DCDC2C: variants seen among roughly 807,000 people sequenced by gnomAD.
DCDC2C encodes the protein doublecortin domain containing 2C.
Under a neutral mutation model 45.0 loss-of-function variants are expected in DCDC2C, and 44 were observed. The ratio of observed to expected loss-of-function variants is 0.98; its 90% CI spans 0.77 to 1.26. The LOEUF (loss-of-function observed/expected upper bound fraction) is 1.26, where lower values mean the gene tolerates loss of function less well. Ranked by LOEUF, DCDC2C falls within the 50% of genes most tolerant of loss-of-function variation. DCDC2C has a pLI of 0.00. For missense variants in DCDC2C, 447 were observed against 468.9 expected, an observed-to-expected ratio of 0.95 and a Z score of 0.43; for synonymous variants, 187 against 178.8, an observed-to-expected ratio of 1.05 and a Z score of -0.37.
At chr2:3,753,291 G>T (rs539236865) in intron 5 of DCDC2C, among the ~76,000 whole-genome samples, 1 of 152,312 alleles carries the variant, frequency 6.6e-6, no homozygotes, top group South Asian at 2.1e-4. Flanking sequence ...CAGAATTTGT[G>T]CTGGGTGTCA....
chr2:3,733,034 T>C (rs370512750), intron 3 of DCDC2C, among the ~76,000 whole-genome samples: 3 of 152,318 alleles, frequency 2.0e-5, no homozygotes, highest in African/African-American at 7.2e-5. Flanking sequence ...ATACCCCAAG[T>C]GGGATAGATT....
intron 3 of DCDC2C, among the ~76,000 whole-genome samples, chr2:3,727,888 C>A (rs980483812): frequency 6.6e-6 from 1 of 152,160 alleles, no homozygotes; most frequent in African/African-American, 2.4e-5. Flanking sequence ...TTGCAGCCAG[C>A]CCCCCAGGGC....
At chr2:3,770,564 C>T (rs1240419604) in intron 8 of DCDC2C, among the ~76,000 whole-genome samples, 1 of 152,162 alleles carries the variant, frequency 6.6e-6, no homozygotes, top group African/African-American at 2.4e-5. Flanking sequence ...ATTTTCTTCG[C>T]AAATCCAAAC....
rs144528131 is a variant in DCDC2C at position 3,793,223 on chromosome 2, T to A, written c.1065+8123T>A. ...AGTTGTAGTATACCCAAACGCAAATTTACACCTTGATTTACACTTAAGAAT... is the reference window on the plus strand; with the variant it reads ...AGTTGTAGTATACCCAAACGCAAATATACACCTTGATTTACACTTAAGAAT... On this transcript the variant is annotated intron_variant, in intron 10 of 10. Coordinates refer to ENST00000399143, the MANE Select transcript of DCDC2C (RefSeq NM_001287444.2). Among the ~76,000 whole-genome samples, 482 of 152,286 alleles carry A rather than the reference T, an allele frequency of 3.2e-3. 6 individuals carry two copies. The highest frequency in any genetic ancestry group is 0.011 in the African/African-American group (439 of 41,548).
At chr2:3,781,889 A>C (rs77769383) in intron 9 of DCDC2C, among the ~76,000 whole-genome samples, 15,262 of 152,228 alleles carry the variant, frequency 0.1, 1,027 homozygotes, top group East Asian at 0.29. Context: ...AACAATTACT[A>C]CTATATATAG....
intron 2 of DCDC2C, among the ~76,000 whole-genome samples, chr2:3,724,924 T>G (rs994178699): frequency 1.3e-5 from 2 of 152,184 alleles, no homozygotes; most frequent in Non-Finnish European, 2.9e-5. Context: ...GAACTCCTTG[T>G]TGGCAGTGGA....
At chr2:3,802,588 G>A (rs947494800) in intron 10 of DCDC2C, among the ~76,000 whole-genome samples, 2 of 152,154 alleles carry the variant, frequency 1.3e-5, no homozygotes, top group African/African-American at 4.8e-5. Context: ...GGTCTGAGGA[G>A]GGCTTGTTCC....
At chr2:3,742,978 G>C (rs763202954) in intron 4 of DCDC2C, among the ~76,000 whole-genome samples, 3 of 152,186 alleles carry the variant, frequency 2.0e-5, no homozygotes, top group African/African-American at 7.2e-5. Context: ...GAGGGGCTCC[G>C]GGCCTGGTGG....
chr2:3,844,729 C>A (rs1436998089), intron 10 of DCDC2C: 1 of 152,168 alleles, frequency 6.6e-6, no homozygotes, highest in African/African-American at 2.4e-5. Context: ...AGCCGAAATT[C>A]ATGTGGAATT....
rs1424124606 is a variant in DCDC2C at position 3,703,587 on chromosome 2, T to G, written c.-165T>G. On this transcript the variant is annotated 5_prime_UTR_variant, in exon 1 of 11. Transcript: ENST00000399143. This position sits in a 1 kb window ranked among gnomAD's most constrained non-coding sequence, Gnocchi z 4.4. Reference sequence around the variant, plus strand: ...CCGCCCGCCTGGCAGCCCCGTCCCGTCCCCGTCCAGCCCCCGTCCCGTCCC... The same window carrying G: ...CCGCCCGCCTGGCAGCCCCGTCCCGGCCCCGTCCAGCCCCCGTCCCGTCCC... 3.1e-6 allele frequency: 2 copies of G among 644,722 alleles called. No individual in the cohort carries two copies. Among genetic ancestry groups the G allele is most frequent in the African/African-American group, 2.6e-5 (1 of 37,752 alleles). The allele number at this position is 644,722 out of a possible 1,614,324, so 39.9% of individuals were successfully genotyped here.
chr2:3,821,148 G>A (rs921285632), intron 10 of DCDC2C, among the ~76,000 whole-genome samples: 16 of 152,116 alleles, frequency 1.1e-4, no homozygotes, highest in African/African-American at 3.1e-4. Flanking sequence ...GGGCAGGGGC[G>A]GGGGTCACAA....
At chr2:3,767,636 T>C in intron 6 of DCDC2C, 118 bp from the exon 7 acceptor site, 2 of 1,190,472 alleles carry the variant, frequency 1.7e-6, no homozygotes, top group East Asian at 2.7e-5. Context: ...GTGCCTGAGT[T>C]TCCTCCTACT....
chr2:3,800,320 A>G (rs1007860941), intron 10 of DCDC2C, among the ~76,000 whole-genome samples: 4 of 151,984 alleles, frequency 2.6e-5, no homozygotes, highest in African/African-American at 9.7e-5. Flanking sequence ...TGCAGAAATC[A>G]CCCGTCTTCT....
chr2:3,771,884 C>G (rs77074521), intron 8 of DCDC2C, among the ~76,000 whole-genome samples: 1 of 152,170 alleles, frequency 6.6e-6, no homozygotes, highest in Admixed American at 6.5e-5. Context: ...ATATCCGTGT[C>G]GTGAGAACTT....
At chr2:3,760,454 T>C (rs1669846154) in intron 6 of DCDC2C, among the ~76,000 whole-genome samples, 1 of 152,034 alleles carries the variant, frequency 6.6e-6, no homozygotes, top group East Asian at 1.9e-4. Flanking sequence ...ATAGACTGGA[T>C]AAAGAAAATG....
At chr2:3,730,342 T>C (rs1425075545) in intron 3 of DCDC2C, among the ~76,000 whole-genome samples, 1 of 151,836 alleles carries the variant, frequency 6.6e-6, no homozygotes, top group Admixed American at 6.6e-5. Context: ...ATCCAGTAAG[T>C]GGAGGAAATT....
intron 4 of DCDC2C, among the ~76,000 whole-genome samples, chr2:3,751,152 G>A (rs1304188368): frequency 6.6e-6 from 1 of 152,184 alleles, no homozygotes; most frequent in Admixed American, 6.5e-5. Flanking sequence ...TTCTTGGTCT[G>A]TCTGTTCCCA....
Position 3,752,794 on chromosome 2 carries a change from G to A in DCDC2C, c.577G>A (p.Asp193Asn), listed in dbSNP as rs1394604507. 11 of 1,550,274 alleles carry A rather than the reference G, an allele frequency of 7.1e-6. No individual in the cohort carries two copies. Among genetic ancestry groups the A allele is most frequent in the Admixed American group, 3.9e-5 (2 of 50,978 alleles). Reference sequence around the variant, plus strand: ...TACAATGAATGGGCATCTTTTGGGCGACTCAAAGGATTTGCAAGACAATCA... The same window carrying A: ...TACAATGAATGGGCATCTTTTGGGCAACTCAAAGGATTTGCAAGACAATCA... ...LFTMNGHLLG[D>N]SKDLQDNHFY... Residue 193 changes from aspartate to asparagine, a missense_variant, in exon 5 of 11, where the codon GAC becomes AAC. By Grantham distance (23) the Asp-to-Asn change is conservative. Transcript: ENST00000399143.
rs758193521 is a variant in DCDC2C at position 3,708,527 on chromosome 2, TTTC to T, written c.288-16_288-14del. ...GTAAATATCTTCCTTCTAATGATGT[TTTC>T]TTCTTTCTTCTTTTGCAGTTATATT... On this transcript the variant is annotated intron_variant, in intron 1 of 10. Coordinates refer to ENST00000399143, the MANE Select transcript of DCDC2C (RefSeq NM_001287444.2). 1.7e-5 allele frequency: 26 copies of T among 1,523,492 alleles called. 1 individual carries two copies. The South Asian group carries it at 3.1e-4, about 18-fold the overall frequency. 94.4% of individuals were successfully genotyped at this position (1,523,492 alleles called of 1,614,324 possible). A position where few individuals can be genotyped will look rare whatever the true frequency, so the allele number is the denominator to read the frequency against.
Sources: allele counts gnomAD v4.1 joint callset (sites outside exome capture counted in the v4.1 genomes callset), GRCh38; gene constraint gnomAD v4.1.1; non-coding constraint Gnocchi (gnomAD v3.1); transcripts MANE v1.5; gene names NCBI Gene and HGNC (gene_info 2026-07-23, HGNC 2026-07-21).